Variants in THRB observed in about 807,000 individuals in gnomAD.
The protein encoded by THRB is thyroid hormone receptor beta, also known as nuclear receptor subfamily 1 group A member 2.
THRB carries 12 observed loss-of-function variants against 47.8 expected under a neutral mutation model. The ratio of observed to expected loss-of-function variants is 0.25; its 90% CI spans 0.16 to 0.41. THRB has a LOEUF of 0.41. THRB is among the 10% of genes least tolerant of loss of function. The pLI is 1.00. For missense variants in THRB, 348 were observed against 589.2 expected (o/e 0.59, Z 4.24); for synonymous variants, 218 against 212.2 (o/e 1.03, Z -0.24).
intron 1 of THRB, among the ~76,000 whole-genome samples, chr3:24,417,299 A>T (rs1427620628): frequency 6.6e-6 from 1 of 151,908 alleles, no homozygotes; most frequent in Non-Finnish European, 1.5e-5. Context: ...TAAATAAGAA[A>T]GGCCAGGCTG....
chr3:24,314,072 T>A (rs2057946142), intron 2 of THRB, among the ~76,000 whole-genome samples: 1 of 152,226 alleles, frequency 6.6e-6, no homozygotes, highest in South Asian at 2.1e-4. Context: ...TAATCTACTG[T>A]AGTACTGAGA....
At chr3:24,237,163 C>T (rs1459531174) in intron 3 of THRB, among the ~76,000 whole-genome samples, 1 of 152,188 alleles carries the variant, frequency 6.6e-6, no homozygotes, top group African/African-American at 2.4e-5. Flanking sequence ...AGGTATTAAT[C>T]TGAGTGGGTC....
intron 1 of THRB, among the ~76,000 whole-genome samples, chr3:24,407,173 T>C (rs1312207344): frequency 2.0e-5 from 3 of 151,822 alleles, no homozygotes; most frequent in Non-Finnish European, 4.4e-5. Flanking sequence ...ACGTGTCCTC[T>C]AGCGATGGCA....
At chr3:24,450,769 G>A (rs2125525803) in intron 1 of THRB, among the ~76,000 whole-genome samples, 1 of 152,256 alleles carries the variant, frequency 6.6e-6, no homozygotes, top group Middle Eastern at 3.4e-3. Flanking sequence ...GGTGCATACA[G>A]TCAACTGGTG....
chr3:24,261,667 C>T (rs1455467251), intron 3 of THRB, among the ~76,000 whole-genome samples: 1 of 152,002 alleles, frequency 6.6e-6, no homozygotes, highest in Non-Finnish European at 1.5e-5. Flanking sequence ...AGACTTAGTT[C>T]TCTCCCCACT....
At chr3:24,299,984 A>G (rs1482287852) in intron 2 of THRB, among the ~76,000 whole-genome samples, 2 of 151,996 alleles carry the variant, frequency 1.3e-5, no homozygotes, top group Admixed American at 1.3e-4. Flanking sequence ...ACTAAATGGC[A>G]TAAAATTTTT....
intron 3 of THRB, among the ~76,000 whole-genome samples, chr3:24,264,361 A>T (rs2150539088): frequency 6.6e-6 from 1 of 152,308 alleles, no homozygotes; most frequent in Non-Finnish European, 1.5e-5. Context: ...GCTTAAAAAA[A>T]TAACTGTGTT....
intron 4 of THRB, among the ~76,000 whole-genome samples, chr3:24,226,592 C>T (rs1411060307): frequency 6.6e-6 from 1 of 152,216 alleles, no homozygotes; most frequent in Non-Finnish European, 1.5e-5. Flanking sequence ...AGCATCCCAG[C>T]TTCCACAAGA....
intron 2 of THRB, among the ~76,000 whole-genome samples, chr3:24,307,792 C>G (rs1403731064): frequency 1.3e-5 from 2 of 152,178 alleles, no homozygotes; most frequent in African/African-American, 4.8e-5. Flanking sequence ...TTCCCTGTGA[C>G]TTTGCTCTGT....
chr3:24,140,937 C>G (rs1043244237), intron 8 of THRB, among the ~76,000 whole-genome samples: 1 of 152,252 alleles, frequency 6.6e-6, no homozygotes, highest in East Asian at 1.9e-4. Flanking sequence ...AGGGGTTATC[C>G]CAGGCACAGA....
chr3:24,177,923 T>C (rs1324352727), intron 5 of THRB, among the ~76,000 whole-genome samples: 2 of 152,194 alleles, frequency 1.3e-5, no homozygotes, highest in Non-Finnish European at 2.9e-5. Flanking sequence ...GAGAATAAAG[T>C]GGCTGTGTCT....
At chr3:24,148,393 C>T (rs1261445276) in intron 6 of THRB, among the ~76,000 whole-genome samples, 1 of 152,168 alleles carries the variant, frequency 6.6e-6, no homozygotes, top group Non-Finnish European at 1.5e-5. Context: ...TCCCAAAGTG[C>T]TGGGATTATA....
chr3:24,153,217 G>A (rs2037281356), intron 5 of THRB, among the ~76,000 whole-genome samples: 1 of 152,188 alleles, frequency 6.6e-6, no homozygotes, highest in African/African-American at 2.4e-5. Flanking sequence ...TAGCTGGAAA[G>A]GTCCCGGGAG....
chr3:24,264,021 C>T (rs73823274), intron 3 of THRB, among the ~76,000 whole-genome samples: 3,325 of 152,224 alleles, frequency 0.022, 102 homozygotes, highest in African/African-American at 0.066. Context: ...ACATTAATGT[C>T]TATTGGCCAA....
chr3:24,406,095 T>C (rs2067802509), intron 1 of THRB, among the ~76,000 whole-genome samples: 1 of 151,690 alleles, frequency 6.6e-6, no homozygotes, highest in Admixed American at 6.6e-5. Flanking sequence ...CTTTTTTCAG[T>C]TGATTCTTTT....
At chr3:24,333,773 G>A (rs1458697748) in intron 2 of THRB, among the ~76,000 whole-genome samples, 2 of 152,182 alleles carry the variant, frequency 1.3e-5, no homozygotes, top group African/African-American at 4.8e-5. Context: ...GAGTGAAATA[G>A]GCTTTGGTCC....
chr3:24,268,993 C>T (rs1007783023), intron 3 of THRB, among the ~76,000 whole-genome samples: 1 of 152,194 alleles, frequency 6.6e-6, no homozygotes, highest in Non-Finnish European at 1.5e-5. Context: ...ATACAGGCAA[C>T]ATGGCCCATG....
chr3:24,147,224 G>C (rs2036215278), intron 6 of THRB, among the ~76,000 whole-genome samples: 1 of 152,080 alleles, frequency 6.6e-6, no homozygotes, highest in Admixed American at 6.5e-5. Context: ...TAATAAGAGA[G>C]CTCCAAGACC....
At chr3:24,131,301 T>C (rs926350893) in intron 9 of THRB, among the ~76,000 whole-genome samples, 3 of 152,244 alleles carry the variant, frequency 2.0e-5, no homozygotes, top group Non-Finnish European at 4.4e-5. Context: ...CTTTATTATG[T>C]TGTATAAATA....
Sources: allele counts gnomAD v4.1 joint callset (sites outside exome capture counted in the v4.1 genomes callset), GRCh38; gene constraint gnomAD v4.1.1; transcripts MANE v1.5; gene names NCBI Gene and HGNC (gene_info 2026-07-23, HGNC 2026-07-21).